Variants in SYT14 observed in about 807,000 individuals in gnomAD.
SYT14 encodes synaptotagmin 14.
SYT14 carries 32 observed loss-of-function variants against 74.2 expected under a neutral mutation model. The observed-to-expected ratio is 0.43, with a 90% CI of 0.33 to 0.58. The LOEUF (loss-of-function observed/expected upper bound fraction) is 0.58, where lower values mean the gene tolerates loss of function less well. SYT14 is among the 20% of genes least tolerant of loss of function. The pLI is 0.05. For synonymous variants in SYT14, 298 were observed against 337.7 expected (o/e 0.88, Z 1.29); for missense variants, 791 against 981.8 (o/e 0.81, Z 2.60).
intron 1 of SYT14, among the ~76,000 whole-genome samples, chr1:209,948,161 A>C (rs1404401941): frequency 6.6e-6 from 1 of 152,168 alleles, no homozygotes; most frequent in Non-Finnish European, 1.5e-5. Context: ...ACCTGTCGAT[A>C]TCTCTGAGGT....
chr1:210,116,277 C>CT (rs1368257135), intron 7 of SYT14, among the ~76,000 whole-genome samples: 4 of 152,226 alleles, frequency 2.6e-5, no homozygotes, highest in East Asian at 1.9e-4. Flanking sequence ...TATATTATCT[C>CT]TGAGTTTATT....
chr1:209,943,569 G>A (rs1383518730), intron 1 of SYT14, among the ~76,000 whole-genome samples: 3 of 144,982 alleles, frequency 2.1e-5, no homozygotes, highest in Non-Finnish European at 4.5e-5. Context: ...AATGGGGAAA[G>A]CAGAGAGAAC....
At chr1:210,127,064 T>C (rs2082583490) in intron 7 of SYT14, among the ~76,000 whole-genome samples, 1 of 152,172 alleles carries the variant, frequency 6.6e-6, no homozygotes, top group South Asian at 2.1e-4. Context: ...AAATGTGCTT[T>C]CACAGGTAGT....
intron 2 of SYT14, among the ~76,000 whole-genome samples, chr1:209,961,838 T>C (rs1038608730): frequency 2.0e-5 from 3 of 152,076 alleles, no homozygotes; most frequent in Non-Finnish European, 4.4e-5. Flanking sequence ...ACCTACTGAG[T>C]TACTAATGTT....
chr1:210,164,892 G>A (rs1417217611), exon 10 of SYT14: 2 of 152,030 alleles, frequency 1.3e-5, no homozygotes, highest in Admixed American at 1.3e-4. Flanking sequence ...TATTATTATT[G>A]TCAACCATAT....
chr1:210,106,162 T>A (rs756863248), intron 7 of SYT14, among the ~76,000 whole-genome samples: 1 of 151,806 alleles, frequency 6.6e-6, no homozygotes, highest in Non-Finnish European at 1.5e-5. Context: ...TGAGAGGGAG[T>A]TTAGTGTGCC....
intron 2 of SYT14, among the ~76,000 whole-genome samples, chr1:209,961,288 G>C (rs555397199): frequency 6.6e-6 from 1 of 152,168 alleles, no homozygotes. Context: ...CTGACTTTTT[G>C]GGGGCTGGGA....
At chr1:210,035,903 T>G (rs1440483947) in intron 5 of SYT14, among the ~76,000 whole-genome samples, 1 of 151,966 alleles carries the variant, frequency 6.6e-6, no homozygotes, top group East Asian at 1.9e-4. Context: ...TTGTTGGTTC[T>G]ATCTGAATTT....
At chr1:210,156,030 A>G (rs2083261661) in intron 8 of SYT14, 120 bp downstream of exon 7, 14 of 920,232 alleles carry the variant, frequency 1.5e-5, no homozygotes, top group Non-Finnish European at 2.2e-5. Flanking sequence ...TGTAATCATC[A>G]GCTAATCTGT....
intron 2 of SYT14, among the ~76,000 whole-genome samples, chr1:209,981,271 A>G (rs987009641): frequency 7.2e-5 from 11 of 151,906 alleles, no homozygotes; most frequent in African/African-American, 2.4e-4. Context: ...TTTCATTTCC[A>G]TGTTTAGAAT....
intron 2 of SYT14, among the ~76,000 whole-genome samples, chr1:209,993,991 C>T (rs907122352): frequency 3.9e-5 from 6 of 152,116 alleles, no homozygotes; most frequent in Non-Finnish European, 7.4e-5. Context: ...CTGAAAGCAC[C>T]CAGAATTGAA....
intron 7 of SYT14, among the ~76,000 whole-genome samples, chr1:210,133,545 A>T (rs79002745): frequency 0.012 from 1,802 of 152,326 alleles, 47 homozygotes; most frequent in African/African-American, 0.042. Context: ...TAGTGGTGCC[A>T]GTAATGGTGA....
chr1:210,005,317 T>C (rs1329672276), intron 2 of SYT14, among the ~76,000 whole-genome samples: 1 of 151,934 alleles, frequency 6.6e-6, no homozygotes, highest in Non-Finnish European at 1.5e-5. Context: ...CTGCTTGGTA[T>C]TTATCAGAAT....
Position 210,021,220 on chromosome 1 carries a change from T to C in SYT14, c.1278T>C (p.Tyr426=), listed in dbSNP as rs71515148. The change falls in exon 5 of 10, where the codon TAT becomes TAC. Residue 426 remains tyrosine, a synonymous_variant. Coordinates refer to ENST00000637265, the Ensembl canonical transcript of SYT14. ...AATACAGTCCTCTATCGGCAGAGTA[T>C]GATGGATACAGTAGTGAAGCATCAA... The C allele has an allele frequency of 2.8e-3, 4,564 of 1,614,030 alleles. 11 individuals carry two copies. Among genetic ancestry groups the C allele is most frequent in the South Asian group, 4.0e-3 (367 of 91,080 alleles).
chr1:210,015,873 A>G (rs888087401), exon 4 of SYT14: 24 of 1,223,954 alleles, frequency 2.0e-5, no homozygotes, highest in East Asian at 1.6e-4. Context: ...AAAAGCTACA[A>G]TGTGAATTGC....
chr1:210,114,822 G>T (rs933362661), intron 7 of SYT14, among the ~76,000 whole-genome samples: 10 of 151,000 alleles, frequency 6.6e-5, no homozygotes, highest in Non-Finnish European at 1.3e-4. Flanking sequence ...ATTATAGGGT[G>T]GGGGAGCAGA....
chr1:210,157,947 CTA>C (rs1018755464), intron 8 of SYT14, among the ~76,000 whole-genome samples: 8 of 152,098 alleles, frequency 5.3e-5, no homozygotes, highest in Non-Finnish European at 1.2e-4. Context: ...CAGAAGGTGT[CTA>C]TCCCTGACTT....
chr1:210,142,701 G>A (rs974566284), intron 7 of SYT14, among the ~76,000 whole-genome samples: 1 of 152,144 alleles, frequency 6.6e-6, no homozygotes. Context: ...GAGCTGACAT[G>A]GAGGATGACC....
At chr1:210,089,667 T>G (rs1269361727) in intron 5 of SYT14, among the ~76,000 whole-genome samples, 1 of 152,218 alleles carries the variant, frequency 6.6e-6, no homozygotes, top group Non-Finnish European at 1.5e-5. Context: ...TTTAGATTTC[T>G]ATACATTTTC....
Sources: allele counts gnomAD v4.1 joint callset (sites outside exome capture counted in the v4.1 genomes callset), GRCh38; gene constraint gnomAD v4.1.1; transcripts MANE v1.5; gene names NCBI Gene and HGNC (gene_info 2026-07-23, HGNC 2026-07-21).